UNC79: variants seen among roughly 807,000 people sequenced by gnomAD.
UNC79 encodes unc-79 subunit of NALCN channel complex.
Under a neutral mutation model 283.1 loss-of-function variants are expected in UNC79, and 37 were observed. The ratio of observed to expected loss-of-function variants is 0.13; its 90% CI spans 0.10 to 0.17. The LOEUF (loss-of-function observed/expected upper bound fraction) is 0.17. Ranked by LOEUF, UNC79 falls within the 10% of genes least tolerant of loss-of-function variation. The pLI, the probability that UNC79 is intolerant of heterozygous loss-of-function variation, is 1.00. For missense variants in UNC79, 2,272 were observed against 3,211.1 expected (o/e 0.71, Z 7.07); for synonymous variants, 1,107 against 1,200.2 (o/e 0.92, Z 1.61).
At chr14:93,365,961 A>C (rs1204235281) in intron 1 of UNC79, among the ~76,000 whole-genome samples, 2 of 152,226 alleles carry the variant, frequency 1.3e-5, no homozygotes, top group East Asian at 1.9e-4. Context: ...AAATTTGAGA[A>C]GACAAAGGAT....
At chr14:93,372,159 T>C (rs2054464972) in intron 1 of UNC79, among the ~76,000 whole-genome samples, 1 of 151,824 alleles carries the variant, frequency 6.6e-6, no homozygotes, top group South Asian at 2.1e-4. Flanking sequence ...GATAAAATAC[T>C]TTAATTTTTC....
intron 13 of UNC79, among the ~76,000 whole-genome samples, chr14:93,541,633 A>AT (rs945635223): frequency 6.6e-5 from 10 of 152,116 alleles, no homozygotes; most frequent in Admixed American, 1.3e-4. Context: ...TGTTTTATTT[A>AT]TTTTTTTTAT....
rs1266731495 is a variant in UNC79 at position 93,431,287 on chromosome 14, T to G, written c.22+236T>G. Among the ~76,000 whole-genome samples the G allele has an allele frequency of 4.7e-5, 7 of 150,414 alleles. No homozygotes were observed. In the East Asian group the frequency reaches 9.9e-4, roughly 21 times the overall value. On this transcript the variant is annotated intron_variant, in intron 1 of 48. Coordinates refer to ENST00000555664, the Ensembl canonical transcript of UNC79. Reference sequence around the variant, plus strand: ...GGTCTTCCTCGGGCTCCAGCGGGGGTTTCTCAAGACTCAGAGACCCTGCGA... The same window carrying G: ...GGTCTTCCTCGGGCTCCAGCGGGGGGTTCTCAAGACTCAGAGACCCTGCGA...
intron 14 of UNC79, among the ~76,000 whole-genome samples, chr14:93,548,314 G>A (rs1353769214): frequency 6.6e-6 from 1 of 152,126 alleles, no homozygotes; most frequent in Non-Finnish European, 1.5e-5. Flanking sequence ...ATTCATAAAG[G>A]CTCTGTTCTC....
At chr14:93,600,385 A>G (rs1180893238) in intron 24 of UNC79, among the ~76,000 whole-genome samples, 184 bp from the exon 25 acceptor site, 1 of 152,146 alleles carries the variant, frequency 6.6e-6, no homozygotes, top group Non-Finnish European at 1.5e-5. Flanking sequence ...CCTCTTCTAC[A>G]TTTTTCTTTC....
intron 11 of UNC79, among the ~76,000 whole-genome samples, chr14:93,533,774 T>A (rs7151015): frequency 0.54 from 81,872 of 152,062 alleles, 22,352 homozygotes; most frequent in Admixed American, 0.63. Context: ...TTTGTGGTTA[T>A]TGAAGGATTG....
chr14:93,544,481 A>G (rs779431711), intron 14 of UNC79, among the ~76,000 whole-genome samples: 6 of 152,236 alleles, frequency 3.9e-5, no homozygotes, highest in Admixed American at 1.3e-4. Context: ...CTAGAGTCAC[A>G]TAACGGAAGT....
chr14:93,448,755 C>T (rs1423750291), intron 1 of UNC79, among the ~76,000 whole-genome samples: 1 of 152,172 alleles, frequency 6.6e-6, no homozygotes, highest in African/African-American at 2.4e-5. Flanking sequence ...TTGTCTTTAG[C>T]TGGGCTGATT....
At chr14:93,592,919 C>G (rs2064803204) in intron 22 of UNC79, among the ~76,000 whole-genome samples, 1 of 152,122 alleles carries the variant, frequency 6.6e-6, no homozygotes, top group African/African-American at 2.4e-5. Flanking sequence ...CCAACTGTGG[C>G]TTGGCTTCTT....
intron 37 of UNC79, 47 bp downstream of exon 40, chr14:93,654,072 C>T (rs1011248172): frequency 5.1e-6 from 8 of 1,554,538 alleles, no homozygotes; most frequent in Admixed American, 5.0e-5. Flanking sequence ...AAACTCTAAG[C>T]CCCAGCACAA....
intron 1 of UNC79, chr14:93,464,638 G>T: frequency 2.2e-6 from 1 of 456,082 alleles, no homozygotes; most frequent in Non-Finnish European, 4.4e-6. Flanking sequence ...GGGGAGTTTT[G>T]AAGATAGTAT....
chr14:93,686,715 G>C, intron 43 of UNC79, 54 bp downstream of exon 46: 1 of 1,602,866 alleles, frequency 6.2e-7, no homozygotes, highest in Non-Finnish European at 8.5e-7. Context: ...GAGATGCTTT[G>C]AGAGAATTAA....
At chr14:93,544,723 A>G (rs900216629) in intron 14 of UNC79, among the ~76,000 whole-genome samples, 3 of 152,238 alleles carry the variant, frequency 2.0e-5, no homozygotes, top group African/African-American at 7.2e-5. Flanking sequence ...ATGAGGAACC[A>G]GAAAAGCACA....
At chr14:93,477,499 T>C in intron 3 of UNC79, 59 bp from the exon 4 acceptor site, 1 of 1,380,840 alleles carries the variant, frequency 7.2e-7, no homozygotes, top group South Asian at 1.5e-5. Flanking sequence ...AATGTAAAGT[T>C]AGCCTATTTT....
At chr14:93,641,070 AGAG>A (rs2068985414) in intron 32 of UNC79, 72 bp from the exon 36 acceptor site, 1 of 1,275,700 alleles carries the variant, frequency 7.8e-7, no homozygotes. Flanking sequence ...AGGGTTTCTA[AGAG>A]GAGAACCAGG....
At chr14:93,352,874 C>CCT (rs1170183174) in intron 1 of UNC79, among the ~76,000 whole-genome samples, 3 of 152,190 alleles carry the variant, frequency 2.0e-5, no homozygotes, top group Non-Finnish European at 4.4e-5. Flanking sequence ...ATCCACCTAA[C>CCT]CTGAATATCA....
At chr14:93,580,473 C>T (rs2063730507) in intron 19 of UNC79, 97 bp downstream of exon 19, 1 of 1,204,562 alleles carries the variant, frequency 8.3e-7, no homozygotes, top group Admixed American at 2.5e-5. Context: ...ATCTTATACT[C>T]CATGCTGGGT....
chr14:93,659,601 C>T (rs2071324331), intron 39 of UNC79, among the ~76,000 whole-genome samples: 3 of 152,100 alleles, frequency 2.0e-5, no homozygotes, highest in Non-Finnish European at 4.4e-5. Flanking sequence ...GGATGATGTC[C>T]AGATTCCTTA....
chr14:93,603,253 A>G (rs2065643625), exon 26 of UNC79: 1 of 1,614,038 alleles, frequency 6.2e-7, no homozygotes, highest in Non-Finnish European at 8.5e-7. Context: ...CACTGCTGTG[A>G]GGACCAATGT....
Sources: allele counts gnomAD v4.1 joint callset (sites outside exome capture counted in the v4.1 genomes callset), GRCh38; gene constraint gnomAD v4.1.1; transcripts MANE v1.5; gene names NCBI Gene and HGNC (gene_info 2026-07-23, HGNC 2026-07-21).